Variants in CYP4Z1 observed in about 807,000 individuals in gnomAD.
The protein encoded by CYP4Z1 is cytochrome P450 4Z1.
In CYP4Z1, 41 loss-of-function variants were observed where a neutral mutation model predicts 54.2. The ratio of observed to expected loss-of-function variants is 0.76; its 90% CI spans 0.59 to 0.98. The LOEUF (loss-of-function observed/expected upper bound fraction) is 0.98. Among genes scored for constraint, CYP4Z1 ranks in the 50% least tolerant of loss-of-function variants. The pLI is 0.00. For missense variants in CYP4Z1, 513 were observed against 599.0 expected, an observed-to-expected ratio of 0.86 and a Z score of 1.50; for synonymous variants, 163 against 206.2, an observed-to-expected ratio of 0.79 and a Z score of 1.79.
At position 47,067,636 on chromosome 1, in the gene CYP4Z1, C is replaced by G; in HGVS notation, c.146C>G (p.Pro49Arg). The change falls in exon 1 of 12, where the codon CCC becomes CGC. Residue 49 changes from proline to arginine, a missense_variant. Coordinates refer to ENST00000334194, the MANE Select transcript of CYP4Z1 (RefSeq NM_178134.3). ...AGAGCCCTGCACCTGTTTCCTGCACCCCCTGCCCACTGGTTCTATGGCCAC... is the reference window on the plus strand; with the variant it reads ...AGAGCCCTGCACCTGTTTCCTGCACGCCCTGCCCACTGGTTCTATGGCCAC... Reference protein sequence around the residue: ...MIRALHLFPAPPAHWFYGHKE... With the variant: ...MIRALHLFPARPAHWFYGHKE... 6.2e-7 allele frequency: 1 copy of G among 1,610,268 alleles called. No individual in the cohort carries two copies. Among genetic ancestry groups the G allele is most frequent in the South Asian group, 1.1e-5 (1 of 90,386 alleles).
At chr1:47,104,618 C>A (rs4926793) in intron 8 of CYP4Z1, among the ~76,000 whole-genome samples, 65,379 of 151,986 alleles carry the variant, frequency 0.43, 15,419 homozygotes, top group East Asian at 0.96. Flanking sequence ...TGGGTGGATA[C>A]CAGCTGTGGT....
intron 7 of CYP4Z1, among the ~76,000 whole-genome samples, chr1:47,097,827 T>C (rs1397049127): frequency 6.6e-6 from 1 of 150,704 alleles, no homozygotes; most frequent in African/African-American, 2.4e-5. Flanking sequence ...ATGATTTTTT[T>C]TTTTTTTTTT....
chr1:47,106,128 G>A lies in CYP4Z1; in HGVS notation c.1068G>A (p.Trp356Ter), dbSNP rs149156333. 3 of 1,612,882 alleles carry A rather than the reference G, an allele frequency of 1.9e-6. No homozygotes were observed. Among genetic ancestry groups the A allele is most frequent in the South Asian group, 1.1e-5 (1 of 90,780 alleles). The change falls in exon 9 of 12, where the codon TGG becomes TGA. Residue 356 changes from tryptophan to a stop codon, truncating the protein, a stop_gained and splice_region_variant. Coordinates refer to ENST00000334194, the MANE Select transcript of CYP4Z1 (RefSeq NM_178134.3). LOFTEE classifies it high-confidence loss of function. ...ELLGDGSSIT[W>*]EHLSQMPYTT... is the part of the protein sequence containing the mutation. ...CCTTTCCTCCTGTGCTTCTACCCAG[G>A]GAACACCTGAGCCAGATGCCTTACA...
chr1:47,097,393 G>T (rs1644686221), intron 7 of CYP4Z1, among the ~76,000 whole-genome samples: 1 of 152,150 alleles, frequency 6.6e-6, no homozygotes, highest in Non-Finnish European at 1.5e-5. Flanking sequence ...CTTTGCCCAT[G>T]CCTATGTCCT....
chr1:47,106,631 C>T (rs374041723), intron 9 of CYP4Z1, among the ~76,000 whole-genome samples: 4 of 152,278 alleles, frequency 2.6e-5, no homozygotes, highest in South Asian at 4.2e-4. Context: ...CTTCTCCCTT[C>T]CCTCACGCAC....
Position 47,116,711 on chromosome 1 carries a change from T to C in CYP4Z1, c.1328T>C (p.Ile443Thr), listed in dbSNP as rs550113245. 41 of 1,610,912 alleles carry C rather than the reference T, an allele frequency of 2.5e-5. No homozygotes were observed. In the South Asian group the frequency reaches 4.4e-4, roughly 17 times the overall value. The change falls in exon 11 of 12, where the codon ATA (isoleucine) becomes ACA (threonine). Residue 443 changes from isoleucine (I) to threonine (T), a missense_variant. Ile to Thr is a moderately conservative substitution (Grantham distance 89). Transcript: ENST00000334194. ...NSEKIHPYAF[I>T]PFSAGLRNCI... The stretch of plus-strand genomic sequence containing the variant: ...GAAAAAATACATCCCTATGCCTTCA[T>C]ACCATTCTCAGCTGGATTAAGGTAA...
intron 2 of CYP4Z1, among the ~76,000 whole-genome samples, chr1:47,079,661 G>A (rs1644549616): frequency 1.3e-5 from 2 of 152,252 alleles, no homozygotes; most frequent in African/African-American, 4.8e-5. Flanking sequence ...GGATGAGAAA[G>A]TGGAATTAGT....
At chr1:47,069,556 CTT>C (rs1410671326) in intron 2 of CYP4Z1, among the ~76,000 whole-genome samples, 1 of 151,564 alleles carries the variant, frequency 6.6e-6, no homozygotes, top group Non-Finnish European at 1.5e-5. Flanking sequence ...CTCTGCTCCC[CTT>C]TATGCTCTGC....
intron 9 of CYP4Z1, 92 bp from the exon 10 acceptor site, chr1:47,115,437 A>C (rs1260609594): frequency 1.7e-6 from 2 of 1,184,652 alleles, no homozygotes; most frequent in African/African-American, 3.1e-5. Context: ...CCTAAAACTT[A>C]AAGTATAATT....
rs547327796 is a variant in CYP4Z1 at position 47,108,337 on chromosome 1, TCTA to T, written c.1201+2079_1201+2081del. Among the ~76,000 whole-genome samples the T allele has an allele frequency of 4.0e-3, 612 of 152,288 alleles. 1 individual carries two copies. Among genetic ancestry groups the T allele is most frequent in the African/African-American group, 0.014 (575 of 41,552 alleles). On this transcript the variant is annotated intron_variant, in intron 9 of 11. Coordinates refer to ENST00000334194, the MANE Select transcript of CYP4Z1 (RefSeq NM_178134.3). ...AACTTCCTTGAATATTTTCCCTTTC[TCTA>T]CTGTCACTCATCAGTAATTCAACCA...
At chr1:47,102,768 T>A (rs1644730002) in intron 8 of CYP4Z1, among the ~76,000 whole-genome samples, 1 of 152,192 alleles carries the variant, frequency 6.6e-6, no homozygotes, top group South Asian at 2.1e-4. Context: ...CTCTTCATCT[T>A]TGACTTTTGA....
At chr1:47,103,370 A>C (rs1385958504) in intron 8 of CYP4Z1, among the ~76,000 whole-genome samples, 1 of 150,552 alleles carries the variant, frequency 6.6e-6, no homozygotes, top group East Asian at 2.0e-4. Context: ...TAGAGATAGG[A>C]TCTCACAATG....
At position 47,118,120 on chromosome 1, in the gene CYP4Z1, C is replaced by T. The variant is rs1644844435; in HGVS notation, c.*186C>T. The T allele has an allele frequency of 1.7e-6, 1 of 587,822 alleles. No individual in the cohort carries two copies. Among genetic ancestry groups the T allele is most frequent in the African/African-American group, 1.9e-5 (1 of 53,418 alleles). The allele number at this position is 587,822 out of a possible 1,614,324, so 36.4% of individuals were successfully genotyped here. A position where few individuals can be genotyped will look rare whatever the true frequency, so the allele number is the denominator to read the frequency against. ...TTTCTTTGCTGTATCTGGTGAAACC[C>T]ACAAAAACACCTGAAAAAACTCAAG... On this transcript the variant is annotated 3_prime_UTR_variant, in exon 12 of 12. Transcript: ENST00000334194.
At chr1:47,056,106 T>A in the CYP4Z1 span, among the ~76,000 whole-genome samples, 1 of 152,222 alleles carries the variant, frequency 6.6e-6, no homozygotes, top group East Asian at 1.9e-4. Context: ...TCCCATACAT[T>A]CTGGTATGTT....
At chr1:47,112,668 C>T (rs559809065) in intron 9 of CYP4Z1, among the ~76,000 whole-genome samples, 1 of 151,906 alleles carries the variant, frequency 6.6e-6, no homozygotes, top group South Asian at 2.1e-4. Flanking sequence ...GCCTGTAATC[C>T]GAACACTTTG....
At chr1:47,078,136 C>T (rs1432887314) in intron 2 of CYP4Z1, among the ~76,000 whole-genome samples, 1 of 152,042 alleles carries the variant, frequency 6.6e-6, no homozygotes, top group Non-Finnish European at 1.5e-5. Flanking sequence ...TTAGTTTTCC[C>T]TCTTTGCTCT....
intron 2 of CYP4Z1, among the ~76,000 whole-genome samples, chr1:47,078,824 A>C (rs1243595204): frequency 7.0e-6 from 1 of 141,944 alleles, no homozygotes; most frequent in African/African-American, 2.6e-5. Flanking sequence ...GTCAAAGTTG[A>C]AAGCCTGTGG....
intron 8 of CYP4Z1, among the ~76,000 whole-genome samples, chr1:47,103,115 G>T (rs1480493037): frequency 3.3e-5 from 5 of 151,192 alleles, no homozygotes; most frequent in Admixed American, 6.6e-5. Context: ...TACTCTAATT[G>T]TTGAAGCTTT....
chr1:47,118,079 T>C lies in CYP4Z1; in HGVS notation c.*145T>C. 1.2e-6 allele frequency: 1 copy of C among 833,170 alleles called. No individual in the cohort carries two copies. The highest frequency in any genetic ancestry group is 1.7e-6 in the Non-Finnish European group (1 of 582,158). 51.6% of individuals were successfully genotyped at this position (833,170 alleles called of 1,614,324 possible). ...TACTTCTGACTGGTTTTGACATCCA[T>C]TAACAGTAATTTTAATTTCTTTGCT... is the stretch of plus-strand genomic sequence containing the variant. On this transcript the variant is annotated 3_prime_UTR_variant, in exon 12 of 12. Coordinates refer to ENST00000334194, the MANE Select transcript of CYP4Z1 (RefSeq NM_178134.3).
Sources: gnomAD v4.1 joint callset for allele counts (sites outside exome capture counted in the v4.1 genomes callset) on GRCh38, gnomAD v4.1.1 for gene constraint, MANE v1.5 for transcripts, NCBI Gene and HGNC (gene_info 2026-07-23, HGNC 2026-07-21) for gene names.